The following LATS2 variants were observed in gnomAD, a reference collection of about 807,000 sequenced individuals.
The protein encoded by LATS2 is serine/threonine-protein kinase LATS2.
Under a neutral mutation model 76.0 loss-of-function variants are expected in LATS2, and 24 were observed. That is an observed-to-expected ratio of 0.32 (90% CI 0.23 to 0.44). LATS2 has a LOEUF of 0.44. Among genes scored for constraint, LATS2 ranks in the 20% least tolerant of loss-of-function variants. The pLI, the probability that LATS2 is intolerant of heterozygous loss-of-function variation, is 1.00. For missense variants in LATS2, 1,286 were observed against 1,481.2 expected, an observed-to-expected ratio of 0.87 and a Z score of 2.16; for synonymous variants, 692 against 635.4, an observed-to-expected ratio of 1.09 and a Z score of -1.34.
rs1255514249 is a variant in LATS2, at chr13:20,983,788, C to T, written c.1918G>A (p.Glu640Lys). The T allele has an allele frequency of 6.2e-7, 1 of 1,611,964 alleles. No homozygotes were observed. The highest frequency in any genetic ancestry group is 8.5e-7 in the Non-Finnish European group (1 of 1,179,690). Residue 640 changes from glutamate to lysine, a missense_variant, in exon 5 of 8, where the codon GAG becomes AAG. This residue lies in a region of LATS2 where 247 missense variants were observed against 385.4 expected (regional missense o/e 0.64). Coordinates refer to ENST00000382592, the MANE Select transcript of LATS2 (RefSeq NM_014572.3). ...EMAKAGLCEA[E>K]QEQMRKILYQ... ...AGGATCTTCCGCATCTGCTCCTGCT[C>T]AGCTTCACAGAGTCCAGCCTGTGTA... is the stretch of plus-strand genomic sequence containing the variant.
At chr13:20,994,231 G>A (rs1035468963) in intron 2 of LATS2, among the ~76,000 whole-genome samples, 5 of 152,196 alleles carry the variant, frequency 3.3e-5, no homozygotes, top group Non-Finnish European at 7.3e-5. Flanking sequence ...CCGTACTCAT[G>A]AGCCGGCTTG....
intron 1 of LATS2, among the ~76,000 whole-genome samples, chr13:21,059,726 G>C (rs771525769): frequency 9.9e-5 from 15 of 152,226 alleles, no homozygotes; most frequent in Non-Finnish European, 1.9e-4. Flanking sequence ...AGCACTCTGG[G>C]AGACGGAGGC....
chr13:20,986,673 C>T (rs183835770), intron 4 of LATS2, among the ~76,000 whole-genome samples: 16 of 152,236 alleles, frequency 1.1e-4, no homozygotes, highest in Admixed American at 7.2e-4. Context: ...TGCAAACATA[C>T]AGCTGGATAG....
chr13:21,021,319 G>A (rs693784), intron 2 of LATS2, among the ~76,000 whole-genome samples: 33,431 of 151,194 alleles, frequency 0.22, 3,827 homozygotes, highest in Middle Eastern at 0.26. Context: ...CTAAAAATAG[G>A]AAAATTAGAC....
intron 1 of LATS2, among the ~76,000 whole-genome samples, chr13:21,048,435 C>T (rs1197764233): frequency 1.3e-5 from 2 of 152,162 alleles, no homozygotes; most frequent in Admixed American, 6.5e-5. Context: ...AAGGGAGGGC[C>T]TGACAATACG....
intron 2 of LATS2, among the ~76,000 whole-genome samples, chr13:21,041,609 G>C (rs889656132): frequency 6.6e-6 from 1 of 152,140 alleles, no homozygotes. Context: ...GCAGATCAGA[G>C]GGAGGGTGGA....
intron 2 of LATS2, among the ~76,000 whole-genome samples, chr13:21,018,401 A>G (rs1205779809): frequency 6.6e-6 from 1 of 152,196 alleles, no homozygotes; most frequent in African/African-American, 2.4e-5. Flanking sequence ...TTGACATGGA[A>G]AAACAAAATT....
At chr13:21,042,828 C>G (rs1872927711) in intron 2 of LATS2, among the ~76,000 whole-genome samples, 1 of 150,896 alleles carries the variant, frequency 6.6e-6, no homozygotes, top group South Asian at 2.1e-4. Flanking sequence ...ACTAAAAATA[C>G]AAAAAATTAG....
At chr13:21,055,472 A>G (rs1279520917) in intron 1 of LATS2, among the ~76,000 whole-genome samples, 1 of 152,252 alleles carries the variant, frequency 6.6e-6, no homozygotes, top group African/African-American at 2.4e-5. Context: ...TCCAGAGCTG[A>G]GACAACTACT....
chr13:21,054,743 C>T (rs2138417639), intron 1 of LATS2, among the ~76,000 whole-genome samples: 1 of 132,272 alleles, frequency 7.6e-6, no homozygotes, highest in South Asian at 2.5e-4. Context: ...CTAGCCAGAT[C>T]AGGAGTCCTG....
At chr13:20,995,348 C>T (rs1565947929) in intron 2 of LATS2, among the ~76,000 whole-genome samples, 1 of 152,196 alleles carries the variant, frequency 6.6e-6, no homozygotes, top group Admixed American at 6.5e-5. Context: ...ATAGACACCT[C>T]CAGTCTCTTC....
chr13:21,006,029 C>T (rs1316781968), intron 2 of LATS2, among the ~76,000 whole-genome samples: 1 of 151,642 alleles, frequency 6.6e-6, no homozygotes. Flanking sequence ...CCCAGCTACT[C>T]GGGAGGCTGA....
intron 2 of LATS2, among the ~76,000 whole-genome samples, chr13:21,040,154 A>T (rs1872819108): frequency 6.6e-6 from 1 of 152,090 alleles, no homozygotes; most frequent in Non-Finnish European, 1.5e-5. Flanking sequence ...TGGGAGGCTG[A>T]GGCAGGCGTA....
At chr13:20,979,483 T>A (rs956945069) in intron 7 of LATS2, among the ~76,000 whole-genome samples, 1 of 152,122 alleles carries the variant, frequency 6.6e-6, no homozygotes, top group African/African-American at 2.4e-5. Context: ...TTAAAATGGG[T>A]CCAATTCCAT....
intron 2 of LATS2, among the ~76,000 whole-genome samples, chr13:21,030,613 A>AAAAAAAAAAAAAAAAAAAG (rs1565960105): frequency 4.1e-4 from 8 of 19,512 alleles, no homozygotes; most frequent in African/African-American, 6.6e-4. Flanking sequence ...AAAAAAAAAG[A>AAAAAAAAAAAAAAAAAAAG]AAAAAAAAAA....
chr13:21,050,694 A>AGAGCTGTGAG (rs1415490137), intron 1 of LATS2, among the ~76,000 whole-genome samples: 1 of 152,230 alleles, frequency 6.6e-6, no homozygotes, highest in Non-Finnish European at 1.5e-5. Context: ...CTCCAGGCCC[A>AGAGCTGTGAG]GAGCTGTGAG....
chr13:21,006,860 T>C (rs922403913), intron 2 of LATS2, among the ~76,000 whole-genome samples: 11 of 152,202 alleles, frequency 7.2e-5, no homozygotes, highest in African/African-American at 1.4e-4. Context: ...CTCGCTCTGC[T>C]GGGGACAGGC....
At position 20,991,480 on chromosome 13, in the gene LATS2, G is replaced by A. The variant is rs1386362751; in HGVS notation, c.343-76C>T. 1.4e-5 allele frequency: 22 copies of A among 1,519,110 alleles called. No individual in the cohort carries two copies. Among genetic ancestry groups the A allele is most frequent in the African/African-American group, 2.7e-5 (2 of 73,354 alleles). 94.1% of individuals were successfully genotyped at this position (1,519,110 alleles called of 1,614,324 possible). On this transcript the variant is annotated intron_variant, in intron 2 of 7. Coordinates refer to ENST00000382592, the MANE Select transcript of LATS2 (RefSeq NM_014572.3). The surrounding 1 kb of genome is among the most constrained non-coding windows in gnomAD (Gnocchi z 4.9). ...CACCAAAGACTCCCATCCCCACTCC[G>A]TGCTGGACTGTGCTGGGACACTTCG... is the stretch of plus-strand genomic sequence containing the variant.
At chr13:21,035,101 AC>A (rs1427017192) in intron 2 of LATS2, among the ~76,000 whole-genome samples, 1 of 152,162 alleles carries the variant, frequency 6.6e-6, no homozygotes, top group Admixed American at 6.5e-5. Flanking sequence ...CCAAAACAAA[AC>A]AAAAAAGCAA....
Sources: allele counts gnomAD v4.1 joint callset (sites outside exome capture counted in the v4.1 genomes callset), GRCh38; gene constraint gnomAD v4.1.1; regional missense constraint gnomAD v4.1.1; non-coding constraint Gnocchi (gnomAD v3.1); transcripts MANE v1.5; gene names NCBI Gene and HGNC (gene_info 2026-07-23, HGNC 2026-07-21).